PLCG2: variants seen among roughly 807,000 people sequenced by gnomAD.
The protein encoded by PLCG2 is phospholipase C gamma 2.
PLCG2 carries 69 observed loss-of-function variants against 175.6 expected under a neutral mutation model. The ratio of observed to expected loss-of-function variants is 0.39; its 90% CI spans 0.32 to 0.48. The LOEUF (loss-of-function observed/expected upper bound fraction) is 0.48. Among genes scored for constraint, PLCG2 ranks in the 20% least tolerant of loss-of-function variants. The pLI is 0.91. For missense variants in PLCG2, 1,798 were observed against 1,650.9 expected (o/e 1.09, Z -1.54); for synonymous variants, 827 against 624.0 (o/e 1.33, Z -4.85).
rs1035082804 is a variant in PLCG2 at position 81,938,040 on chromosome 16, T to A, written c.3198+137T>A. 1.2e-5 allele frequency: 9 copies of A among 735,102 alleles called. No individual in the cohort carries two copies. The African/African-American group carries it at 1.6e-4, about 13-fold the overall frequency. 45.5% of individuals were successfully genotyped at this position (735,102 alleles called of 1,614,324 possible). On this transcript the variant is annotated intron_variant, in intron 28 of 32. Coordinates refer to ENST00000564138, the MANE Select transcript of PLCG2 (RefSeq NM_002661.5). ...TTAAACGATCCCCATTCAGGCAGTGTTTGAGGATCTTTCTTTCTTACAGTA... is the reference window on the plus strand; with the variant it reads ...TTAAACGATCCCCATTCAGGCAGTGATTGAGGATCTTTCTTTCTTACAGTA...
chr16:81,915,194 A>G (rs1909792216), intron 19 of PLCG2, among the ~76,000 whole-genome samples: 1 of 152,150 alleles, frequency 6.6e-6, no homozygotes, highest in South Asian at 2.1e-4. Flanking sequence ...CTCCAGGGAA[A>G]CGGATGGGGA....
Position 81,781,662 on chromosome 16 carries a change from G to T in PLCG2, c.-48+2238G>T, listed in dbSNP as rs182652808. 2.0e-5 allele frequency among the ~76,000 whole-genome samples: 3 copies of T among 152,286 alleles called. No homozygotes were observed. In the East Asian group the frequency reaches 5.8e-4, roughly 29 times the overall value. ...TATTCCCTCTAATGCTGCAGGGTGG[G>T]TGTAAGGTGCAGCAGTAATGTCCCT... On this transcript the variant is annotated intron_variant, in intron 1 of 32. Coordinates refer to ENST00000564138, the MANE Select transcript of PLCG2 (RefSeq NM_002661.5).
Position 81,887,309 on chromosome 16 carries a change from C to T in PLCG2, c.766-1863C>T, listed in dbSNP as rs1207669544. 6.6e-5 allele frequency among the ~76,000 whole-genome samples: 10 copies of T among 152,000 alleles called. No individual in the cohort carries two copies. The South Asian group carries it at 8.3e-4, about 13-fold the overall frequency. On this transcript the variant is annotated intron_variant, in intron 9 of 32. Transcript: ENST00000564138. ...TAATTTTTTGTGTTTTTAGTAGAGA[C>T]GGGGTTTCACCGTGTTAGCCAGGAT... is the stretch of plus-strand genomic sequence containing the variant.
chr16:81,786,042 T>A lies in PLCG2; in HGVS notation c.53T>A (p.Ile18Asn). The stretch of plus-strand genomic sequence containing the variant: ...CTTGCGGAATATGAGAAGAGCCAGA[T>A]CAAGAGAGCCCTGGAGCTGGGGACG... ...DSLAEYEKSQ[I>N]KRALELGTVM... is the part of the protein sequence containing the mutation. Residue 18 changes from isoleucine to asparagine, a missense_variant, in exon 2 of 33, where the codon ATC becomes AAC. Ile to Asn is a moderately radical substitution (Grantham distance 149). Transcript: ENST00000564138. The A allele has an allele frequency of 6.2e-7, 1 of 1,614,182 alleles. No homozygotes were observed. The highest frequency in any genetic ancestry group is 8.5e-7 in the Non-Finnish European group (1 of 1,180,042).
At chr16:81,933,717 A>C (rs1363028090) in intron 25 of PLCG2, among the ~76,000 whole-genome samples, 2 of 152,154 alleles carry the variant, frequency 1.3e-5, no homozygotes, top group Non-Finnish European at 2.9e-5. Flanking sequence ...GGCTAGAGCT[A>C]AGCACCCCCC....
Position 81,923,560 on chromosome 16 carries a change from C to G in PLCG2, c.2383C>G (p.Leu795Val), listed in dbSNP as rs748644186. 193 of 1,613,330 alleles carry G rather than the reference C, an allele frequency of 1.2e-4. 1 individual carries two copies. The highest frequency in any genetic ancestry group is 3.3e-4 in the Middle Eastern group (2 of 6,082). ...SDELSFCRGA[L>V]IHNVSKEPGG... is the part of the protein sequence containing the mutation. Reference sequence around the variant, plus strand: ...TGAGCTGAGCTTCTGCCGTGGTGCCCTCATCCACAATGTCTCCAAGGAGCC... The same window carrying G: ...TGAGCTGAGCTTCTGCCGTGGTGCCGTCATCCACAATGTCTCCAAGGAGCC... The change falls in exon 22 of 33, where the codon CTC (leucine) becomes GTC (valine). Residue 795 changes from leucine to valine, a missense_variant. Leu to Val is a conservative substitution (Grantham distance 32). Transcript: ENST00000564138.
intron 1 of PLCG2, among the ~76,000 whole-genome samples, chr16:81,779,784 C>G (rs1042622818): frequency 3.3e-5 from 5 of 152,184 alleles, no homozygotes; most frequent in African/African-American, 1.2e-4. Flanking sequence ...GGCGCCGTCT[C>G]TCTTGACGGC....
chr16:81,932,150 G>C lies in PLCG2; in HGVS notation c.2739+496G>C, dbSNP rs74331168. 7.4e-3 allele frequency among the ~76,000 whole-genome samples: 1,121 copies of C among 152,214 alleles called. 6 individuals carry two copies. Among genetic ancestry groups the C allele is most frequent in the Non-Finnish European group, 9.2e-3 (628 of 68,002 alleles). ...AGATGGGAGTGACCTTTTCAGGGCT[G>C]TCCTACCTGAAGTACTAGTCTCTGG... On this transcript the variant is annotated intron_variant, in intron 25 of 32. Coordinates refer to ENST00000564138, the MANE Select transcript of PLCG2 (RefSeq NM_002661.5).
At position 81,786,233 on chromosome 16, in the gene PLCG2, C is replaced by A. The variant is rs757096580; in HGVS notation, c.193+51C>A. 5 of 1,441,504 alleles carry A rather than the reference C, an allele frequency of 3.5e-6. No individual in the cohort carries two copies. The East Asian group carries it at 1.2e-4, about 33-fold the overall frequency. The allele number at this position is 1,441,504 out of a possible 1,614,324, so 89.3% of individuals were successfully genotyped here. A position where few individuals can be genotyped will look rare whatever the true frequency, so the allele number is the denominator to read the frequency against. ...GTGGCCCGTCCTCTGGGGCCCTGGC[C>A]TGAGCACCTGTCCACCTTCCTGTCT... On this transcript the variant is annotated intron_variant, in intron 2 of 32. Transcript: ENST00000564138.
intron 2 of PLCG2, among the ~76,000 whole-genome samples, chr16:81,762,275 A>G (rs960742736): frequency 1.3e-5 from 2 of 152,112 alleles, no homozygotes; most frequent in African/African-American, 4.8e-5. Flanking sequence ...GAAACTGTCA[A>G]CTGTTAAAAT....
Position 81,905,450 on chromosome 16 carries a change from C to G in PLCG2, c.1410C>G (p.Asp470Glu), listed in dbSNP as rs898932513. ...GCGATGTGGATGTCAACATGGAGGA[C>G]AAGAAGGACGAACACAAGCAACAGG... ...PRGDVDVNME[D>E]KKDEHKQQGE... Residue 470 changes from aspartate to glutamate, a missense_variant, in exon 15 of 33, where the codon GAC becomes GAG. Physicochemically the swap from Asp to Glu is conservative, Grantham distance 45. Coordinates refer to ENST00000564138, the MANE Select transcript of PLCG2 (RefSeq NM_002661.5). The G allele has an allele frequency of 6.2e-7, 1 of 1,614,046 alleles. No homozygotes were observed. The highest frequency in any genetic ancestry group is 1.3e-5 in the African/African-American group (1 of 74,934).
At chr16:81,929,905 T>G (rs1910431440) in intron 24 of PLCG2, among the ~76,000 whole-genome samples, 3 of 152,224 alleles carry the variant, frequency 2.0e-5, no homozygotes, top group Non-Finnish European at 4.4e-5. Flanking sequence ...CATCCCTGTA[T>G]CTGCAGAGCA....
intron 21 of PLCG2, 182 bp from the exon 22 acceptor site, chr16:81,923,303 G>A (rs953172667): frequency 1.8e-6 from 1 of 555,466 alleles, no homozygotes; most frequent in African/African-American, 1.9e-5. Context: ...TTCACTCCCT[G>A]GTGGCTTTTT....
chr16:81,892,913 T>C (rs1320600686), intron 11 of PLCG2, among the ~76,000 whole-genome samples: 1 of 151,774 alleles, frequency 6.6e-6, no homozygotes, highest in Non-Finnish European at 1.5e-5. Context: ...ATTGGTGCGA[T>C]CTCAGCTCAC....
At chr16:81,809,641 C>G (rs1029343464) in intron 2 of PLCG2, among the ~76,000 whole-genome samples, 2 of 152,138 alleles carry the variant, frequency 1.3e-5, no homozygotes, top group Non-Finnish European at 2.9e-5. Context: ...ATGGACCAGA[C>G]TTGGGCCACC....
upstream of PLCG2, among the ~76,000 whole-genome samples, chr16:81,777,226 C>A (rs1382357363): frequency 6.6e-6 from 1 of 151,980 alleles, no homozygotes; most frequent in Non-Finnish European, 1.5e-5. Context: ...TTTTAGGAGC[C>A]ACGGCTCCCT....
In PLCG2 at chr16:81,962,677, C is replaced by T. The variant is rs1341010534; in HGVS notation, c.*4679C>T. ...ACATTTTGAAAAATAAAAGTTTCAT[C>T]TGAATGAATATAGCAATCTGCCCAG... is the stretch of plus-strand genomic sequence containing the variant. On this transcript the variant is annotated 3_prime_UTR_variant, in exon 33 of 33. Transcript: ENST00000564138. 1 of 215,552 alleles carries T rather than the reference C, an allele frequency of 4.6e-6. No homozygotes were observed. The highest frequency in any genetic ancestry group is 9.3e-6 in the Non-Finnish European group (1 of 107,038). 13.4% of individuals were successfully genotyped at this position (215,552 alleles called of 1,614,324 possible).
intron 2 of PLCG2, among the ~76,000 whole-genome samples, chr16:81,827,528 A>G (rs1355823111): frequency 6.6e-6 from 1 of 152,046 alleles, no homozygotes; most frequent in Non-Finnish European, 1.5e-5. Context: ...TCTGTTTCAG[A>G]TGAGGGATCA....
chr16:81,938,962 G>T (rs969947060), intron 29 of PLCG2, 47 bp downstream of exon 29: 1 of 1,107,918 alleles, frequency 9.0e-7, no homozygotes, highest in African/African-American at 1.5e-5. Flanking sequence ...TCCGGCCAGT[G>T]AATCCTTTGT....
Sources: allele counts gnomAD v4.1 joint callset (sites outside exome capture counted in the v4.1 genomes callset), GRCh38; gene constraint gnomAD v4.1.1; transcripts MANE v1.5; gene names NCBI Gene and HGNC (gene_info 2026-07-23, HGNC 2026-07-21).